Variants in SLC24A2 observed in about 807,000 individuals in gnomAD.
SLC24A2 encodes solute carrier family 24 member 2.
In SLC24A2, 36 loss-of-function variants were observed where a neutral mutation model predicts 62.0. The observed-to-expected ratio is 0.58, with a 90% confidence interval of 0.44 to 0.77. The LOEUF is 0.77. Among genes scored for constraint, SLC24A2 ranks in the 30% least tolerant of loss-of-function variants. The pLI is 0.00. For synonymous variants in SLC24A2, 358 were observed against 294.0 expected (o/e 1.22, Z -2.23); for missense variants, 846 against 817.9 (o/e 1.03, Z -0.42).
chr9:19,734,004 G>C (rs1248856457), intron 2 of SLC24A2, among the ~76,000 whole-genome samples: 1 of 152,120 alleles, frequency 6.6e-6, no homozygotes, highest in Non-Finnish European at 1.5e-5. Context: ...TGATGATAGA[G>C]GCAAGTCTCT....
At chr9:19,602,858 T>A (rs552255905) in intron 4 of SLC24A2, among the ~76,000 whole-genome samples, 149 of 152,336 alleles carry the variant, frequency 9.8e-4, no homozygotes, top group African/African-American at 3.5e-3. Context: ...TATAAAATGC[T>A]TAGCCCAGTG....
At chr9:20,245,582 T>C in the SLC24A2 span, among the ~76,000 whole-genome samples, 4 of 152,122 alleles carry the variant, frequency 2.6e-5, no homozygotes, top group African/African-American at 4.8e-5. Context: ...CCCCAAGCCA[T>C]GGTGAGGAGA....
chr9:20,002,180 G>A, the SLC24A2 span, among the ~76,000 whole-genome samples: 6 of 152,184 alleles, frequency 3.9e-5, no homozygotes, highest in South Asian at 4.2e-4. Context: ...TTTCAACATC[G>A]GAAGAGTAAT....
the SLC24A2 span, among the ~76,000 whole-genome samples, chr9:20,039,036 G>A: frequency 6.6e-6 from 1 of 152,166 alleles, no homozygotes; most frequent in Non-Finnish European, 1.5e-5. Context: ...TGGACTAAGA[G>A]AGAACAGATG....
the SLC24A2 span, among the ~76,000 whole-genome samples, chr9:19,843,283 C>G: frequency 6.6e-6 from 1 of 152,198 alleles, no homozygotes; most frequent in African/African-American, 2.4e-5. Context: ...GGGTGGATCA[C>G]CTGAGGTCAG....
At chr9:19,788,621 C>T in intron 1 of SLC24A2, 3 of 985,478 alleles carry the variant, frequency 3.0e-6, no homozygotes, top group Non-Finnish European at 3.6e-6. Context: ...TGGAAGCGCC[C>T]CTCTGCGCGT....
chr9:19,787,112 G>T, intron 1 of SLC24A2, 93 bp from the exon 2 acceptor site: 1 of 681,368 alleles, frequency 1.5e-6, no homozygotes, highest in Non-Finnish European at 1.8e-6. Flanking sequence ...CTGTCCTGCA[G>T]CTGTGCGATC....
At chr9:20,281,835 A>AT in the SLC24A2 span, among the ~76,000 whole-genome samples, 1 of 152,212 alleles carries the variant, frequency 6.6e-6, no homozygotes, top group Non-Finnish European at 1.5e-5. Context: ...GGGAAAATTG[A>AT]TATCTCTACA....
At chr9:20,094,751 G>T in the SLC24A2 span, among the ~76,000 whole-genome samples, 1 of 152,084 alleles carries the variant, frequency 6.6e-6, no homozygotes, top group Non-Finnish European at 1.5e-5. Context: ...TCAATGTTTG[G>T]AAGATCTTAA....
the SLC24A2 span, among the ~76,000 whole-genome samples, chr9:20,010,602 A>G: frequency 1.3e-5 from 2 of 152,140 alleles, no homozygotes; most frequent in South Asian, 4.1e-4. Context: ...GAAAAATTCA[A>G]TAGACATTTT....
At chr9:19,516,530 G>T in intron 10 of SLC24A2, 128 bp from the exon 11 acceptor site, 3 of 1,163,864 alleles carry the variant, frequency 2.6e-6, no homozygotes, top group Non-Finnish European at 3.7e-6. Context: ...TGTCTTGTTA[G>T]GTTCACTATG....
At chr9:19,540,569 A>T (rs1244482713) in intron 8 of SLC24A2, among the ~76,000 whole-genome samples, 3 of 147,846 alleles carry the variant, frequency 2.0e-5, no homozygotes, top group Non-Finnish European at 4.5e-5. Flanking sequence ...TTCTGCCGAG[A>T]GATCCGCTGT....
chr9:20,295,036 G>GTGTATATATATATATA, the SLC24A2 span, among the ~76,000 whole-genome samples: 1 of 145,622 alleles, frequency 6.9e-6, no homozygotes, highest in African/African-American at 2.5e-5. Flanking sequence ...GTGTATATAT[G>GTGTATATATATATATA]TATATATATA....
At chr9:19,534,729 G>A (rs895741863) in intron 8 of SLC24A2, among the ~76,000 whole-genome samples, 34 of 152,150 alleles carry the variant, frequency 2.2e-4, no homozygotes, top group African/African-American at 8.0e-4. Context: ...TGGTGTATAT[G>A]TGGCACATTT....
chr9:19,873,103 T>G, the SLC24A2 span, among the ~76,000 whole-genome samples: 1 of 152,186 alleles, frequency 6.6e-6, no homozygotes, highest in East Asian at 1.9e-4. Context: ...GAAGAAGCAG[T>G]ATGGCTTTAG....
At chr9:19,937,943 A>C in the SLC24A2 span, among the ~76,000 whole-genome samples, 1 of 152,226 alleles carries the variant, frequency 6.6e-6, no homozygotes, top group African/African-American at 2.4e-5. Flanking sequence ...TTACAAAAGC[A>C]ATATGTTTAT....
chr9:19,536,195 T>C lies in SLC24A2; in HGVS notation c.1480-8057A>G, dbSNP rs183380783. Among the ~76,000 whole-genome samples, 11 of 149,734 alleles carry C rather than the reference T, an allele frequency of 7.3e-5. No individual in the cohort carries two copies. The East Asian group carries it at 1.4e-3, about 18-fold the overall frequency. On this transcript the variant is annotated intron_variant, in intron 8 of 10. Coordinates refer to ENST00000341998, the MANE Select transcript of SLC24A2 (RefSeq NM_020344.4). The stretch of plus-strand genomic sequence containing the variant: ...GAAATTTTCTTTTTTTTTAATTTTT[T>C]ATTTATTTATTTTTTTTTATTACAC...
chr9:19,588,098 C>T (rs575855003), intron 5 of SLC24A2, among the ~76,000 whole-genome samples: 1 of 152,024 alleles, frequency 6.6e-6, no homozygotes, highest in Non-Finnish European at 1.5e-5. Flanking sequence ...GATCCAGCCC[C>T]AGGGAGATGC....
At chr9:20,227,535 T>TAAA in the SLC24A2 span, among the ~76,000 whole-genome samples, 20 of 124,624 alleles carry the variant, frequency 1.6e-4, no homozygotes, top group Admixed American at 4.8e-4. Flanking sequence ...CACACATTTC[T>TAAA]AAAAAAAAAA....
Sources: gnomAD v4.1 joint callset for allele counts (sites outside exome capture counted in the v4.1 genomes callset) on GRCh38, gnomAD v4.1.1 for gene constraint, MANE v1.5 for transcripts, NCBI Gene and HGNC (gene_info 2026-07-23, HGNC 2026-07-21) for gene names.